AKAP13: variants seen among roughly 807,000 people sequenced by gnomAD.
The protein encoded by AKAP13 is A-kinase anchor protein 13.
A neutral mutation model predicts 264.5 loss-of-function variants in AKAP13; 80 were observed. The observed-to-expected ratio is 0.30, with a 90% CI of 0.25 to 0.36. The LOEUF (loss-of-function observed/expected upper bound fraction) is 0.36, where lower values mean the gene tolerates loss of function less well. AKAP13 is among the 10% of genes least tolerant of loss of function. The pLI is 1.00. For synonymous variants in AKAP13, 1,380 were observed against 1,250.2 expected (o/e 1.10, Z -2.19); for missense variants, 3,712 against 3,435.2 (o/e 1.08, Z -2.01).
chr15:85,716,909 G>T (rs1232191434), intron 20 of AKAP13, among the ~76,000 whole-genome samples: 1 of 152,212 alleles, frequency 6.6e-6, no homozygotes, highest in Non-Finnish European at 1.5e-5. Flanking sequence ...AGAGAACATA[G>T]TTGATTGTAA....
intron 11 of AKAP13, among the ~76,000 whole-genome samples, chr15:85,657,797 A>G (rs924988926): frequency 4.6e-5 from 7 of 151,696 alleles, no homozygotes; most frequent in African/African-American, 1.7e-4. Context: ...CTTGAAGCAA[A>G]TGTAACTTTT....
intron 12 of AKAP13, among the ~76,000 whole-genome samples, chr15:85,661,706 AG>A (rs1329257619): frequency 1.1e-4 from 16 of 151,008 alleles, no homozygotes; most frequent in African/African-American, 3.6e-4. Context: ...GGGCAACAAG[AG>A]TGAAACTCCG....
At chr15:85,714,734 C>T (rs139398274) in intron 19 of AKAP13, among the ~76,000 whole-genome samples, 11,509 of 152,086 alleles carry the variant, frequency 0.076, 453 homozygotes, top group African/African-American at 0.1. Context: ...TTTGGGAGGC[C>T]GAGGCGGGCA....
chr15:85,465,637 A>G (rs1195318211), intron 1 of AKAP13, among the ~76,000 whole-genome samples: 1 of 151,348 alleles, frequency 6.6e-6, no homozygotes, highest in Non-Finnish European at 1.5e-5. Context: ...TTTACTGAGA[A>G]TGATGATTTC....
intron 8 of AKAP13, among the ~76,000 whole-genome samples, chr15:85,615,598 G>T (rs1165141778): frequency 6.6e-6 from 1 of 152,164 alleles, no homozygotes; most frequent in African/African-American, 2.4e-5. Context: ...TGTAACTCTG[G>T]ATGGATCACT....
chr15:85,535,575 T>G (rs867204668), intron 4 of AKAP13: 1 of 152,232 alleles, frequency 6.6e-6, no homozygotes, highest in Non-Finnish European at 1.5e-5. Context: ...TCCTCCTATT[T>G]CTGTATTGAT....
chr15:85,619,582 C>G (rs778613795), intron 8 of AKAP13: 2 of 985,252 alleles, frequency 2.0e-6, no homozygotes, highest in African/African-American at 1.7e-5. Context: ...AATCTAATGA[C>G]TTTTTTCATG....
At chr15:85,475,483 A>G (rs982853907) in intron 1 of AKAP13, among the ~76,000 whole-genome samples, 4 of 152,214 alleles carry the variant, frequency 2.6e-5, no homozygotes, top group Non-Finnish European at 5.9e-5. Flanking sequence ...CCAAAAGAGA[A>G]TTGAAATAAC....
chr15:85,512,057 T>C (rs1055657673), intron 2 of AKAP13, among the ~76,000 whole-genome samples: 2 of 152,056 alleles, frequency 1.3e-5, no homozygotes, highest in African/African-American at 2.4e-5. Context: ...TTTTTTTTTT[T>C]CTTCGTCGCC....
intron 19 of AKAP13, among the ~76,000 whole-genome samples, chr15:85,714,644 A>C (rs141693401): frequency 2.6e-5 from 4 of 152,286 alleles, no homozygotes; most frequent in East Asian, 1.9e-4. Context: ...GCTCCCAGTT[A>C]TCTCTCAGGT....
chr15:85,562,648 C>A (rs1428246723), intron 5 of AKAP13, among the ~76,000 whole-genome samples: 1 of 142,584 alleles, frequency 7.0e-6, no homozygotes, highest in African/African-American at 2.6e-5. Context: ...TGTAAGAAAA[C>A]TGCTGTTATC....
At chr15:85,509,907 CT>C (rs1271694025) in intron 2 of AKAP13, among the ~76,000 whole-genome samples, 8 of 152,204 alleles carry the variant, frequency 5.3e-5, no homozygotes, top group Non-Finnish European at 7.4e-5. Context: ...CATGTCACCC[CT>C]GTCCACTGGT....
chr15:85,554,125 A>T (rs1391881958), intron 5 of AKAP13, among the ~76,000 whole-genome samples: 1 of 152,140 alleles, frequency 6.6e-6, no homozygotes, highest in African/African-American at 2.4e-5. Flanking sequence ...TAGCCCTGTA[A>T]TCACTTAATC....
intron 1 of AKAP13, among the ~76,000 whole-genome samples, chr15:85,484,767 T>A (rs184371193): frequency 1.3e-4 from 20 of 152,348 alleles, no homozygotes; most frequent in Admixed American, 1.3e-3. Context: ...AGTTGGTCAT[T>A]TCAATTTCAG....
At chr15:85,403,226 T>C (rs2071507340) in intron 1 of AKAP13, among the ~76,000 whole-genome samples, 1 of 152,244 alleles carries the variant, frequency 6.6e-6, no homozygotes. Context: ...TAGGTGATGC[T>C]AAATTCTTTA....
chr15:85,569,235 C>CTT (rs1374864411), intron 5 of AKAP13, among the ~76,000 whole-genome samples: 4 of 151,980 alleles, frequency 2.6e-5, no homozygotes, highest in African/African-American at 4.8e-5. Flanking sequence ...CTAAGAGAGA[C>CTT]TTTGAGTCAA....
chr15:85,576,002 G>A (rs1014940957), intron 6 of AKAP13, among the ~76,000 whole-genome samples: 1 of 152,160 alleles, frequency 6.6e-6, no homozygotes, highest in African/African-American at 2.4e-5. Flanking sequence ...AGAAAAAGAA[G>A]GACTTTCCCC....
At chr15:85,661,516 T>G (rs2083344452) in intron 12 of AKAP13, among the ~76,000 whole-genome samples, 1 of 152,004 alleles carries the variant, frequency 6.6e-6, no homozygotes. Context: ...GTCAGGAGTT[T>G]GAGACCAGCC....
intron 6 of AKAP13, among the ~76,000 whole-genome samples, chr15:85,577,106 G>T (rs2079039986): frequency 6.6e-6 from 1 of 152,206 alleles, no homozygotes. Context: ...GAAGCTTTTA[G>T]TGAAAGTCCA....
Sources: gnomAD v4.1 joint callset for allele counts (sites outside exome capture counted in the v4.1 genomes callset) on GRCh38, gnomAD v4.1.1 for gene constraint, MANE v1.5 for transcripts, NCBI Gene and HGNC (gene_info 2026-07-23, HGNC 2026-07-21) for gene names.